Variants in XKR9 observed in about 807,000 individuals in gnomAD.
XKR9 encodes XK-related protein 9.
In XKR9, 32 loss-of-function variants were observed where a neutral mutation model predicts 32.0. That is an observed-to-expected ratio of 1.00 (90% CI 0.76 to 1.34). The LOEUF is 1.34. Among genes scored for constraint, XKR9 ranks in the 40% most tolerant of loss-of-function variants. XKR9 has a pLI of 0.00. For missense variants in XKR9, 546 were observed against 429.7 expected (o/e 1.27, Z -2.39); for synonymous variants, 168 against 143.4 (o/e 1.17, Z -1.22).
At chr8:70,692,689 C>T (rs1018247937) in intron 3 of XKR9, among the ~76,000 whole-genome samples, 15 of 152,128 alleles carry the variant, frequency 9.9e-5, no homozygotes, top group Non-Finnish European at 1.8e-4. Context: ...AGCGATTCTC[C>T]TGCTTCAGCC....
chr8:70,731,212 A>T (rs560673299), intron 4 of XKR9, among the ~76,000 whole-genome samples: 16 of 152,180 alleles, frequency 1.1e-4, no homozygotes, highest in Non-Finnish European at 2.2e-4. Context: ...TTTTTCTATC[A>T]ATCAGACTCA....
the XKR9 span, among the ~76,000 whole-genome samples, chr8:70,824,961 G>A: frequency 1.3e-5 from 2 of 152,148 alleles, no homozygotes; most frequent in Admixed American, 1.3e-4. Flanking sequence ...TAGCCTTCAA[G>A]ATCTTGATGT....
chr8:70,848,666 A>G, the XKR9 span, among the ~76,000 whole-genome samples: 1 of 151,814 alleles, frequency 6.6e-6, no homozygotes, highest in African/African-American at 2.4e-5. Flanking sequence ...GTCAAAATCC[A>G]TCGGTGTGCT....
At chr8:70,814,222 T>A in the XKR9 span, among the ~76,000 whole-genome samples, 4 of 151,790 alleles carry the variant, frequency 2.6e-5, no homozygotes, top group Non-Finnish European at 5.9e-5. Context: ...ATGTTGTCAC[T>A]CATAGGTGGA....
the XKR9 span, among the ~76,000 whole-genome samples, chr8:71,035,178 C>T: frequency 6.6e-6 from 1 of 152,232 alleles, no homozygotes; most frequent in African/African-American, 2.4e-5. Flanking sequence ...AGAATCATCC[C>T]TAGAGAGCCT....
chr8:70,741,965 GTTT>G (rs71264520), intron 2 of XKR9, among the ~76,000 whole-genome samples: 3 of 146,502 alleles, frequency 2.0e-5, no homozygotes, highest in Non-Finnish European at 3.0e-5. Flanking sequence ...GTTGTATTCT[GTTT>G]TTTTTTTTTC....
At chr8:71,007,711 A>G in the XKR9 span, among the ~76,000 whole-genome samples, 65,662 of 151,990 alleles carry the variant, frequency 0.43, 15,275 homozygotes, top group Non-Finnish European at 0.53. Flanking sequence ...GTTTTGCCAG[A>G]AAAATTGTCT....
the XKR9 span, among the ~76,000 whole-genome samples, chr8:70,810,193 C>A: frequency 1.3e-3 from 201 of 152,256 alleles, 1 homozygote; most frequent in African/African-American, 4.6e-3. Flanking sequence ...CCAAACTAAG[C>A]TTCATAAGTG....
At chr8:70,675,855 TC>T (rs1296005717) in intron 2 of XKR9, among the ~76,000 whole-genome samples, 1 of 152,184 alleles carries the variant, frequency 6.6e-6, no homozygotes, top group Non-Finnish European at 1.5e-5. Context: ...TCCCTCATCT[TC>T]CCTTCTTCTC....
the XKR9 span, among the ~76,000 whole-genome samples, chr8:70,876,202 T>C: frequency 6.6e-6 from 1 of 151,108 alleles, no homozygotes; most frequent in African/African-American, 2.4e-5. Flanking sequence ...TGCTTTTCTT[T>C]ATCAGAAGAT....
chr8:71,056,035 G>C, the XKR9 span, among the ~76,000 whole-genome samples: 1 of 152,158 alleles, frequency 6.6e-6, no homozygotes, highest in African/African-American at 2.4e-5. Flanking sequence ...CCTGCCAAAA[G>C]ATGGTCTGAT....
chr8:70,878,299 A>G, the XKR9 span, among the ~76,000 whole-genome samples: 35 of 152,316 alleles, frequency 2.3e-4, no homozygotes, highest in African/African-American at 8.2e-4. Flanking sequence ...AAAATCACAC[A>G]TAACAATATT....
At chr8:70,675,155 A>T (rs1451563624) in intron 2 of XKR9, among the ~76,000 whole-genome samples, 1 of 152,156 alleles carries the variant, frequency 6.6e-6, no homozygotes, top group Non-Finnish European at 1.5e-5. Context: ...GGCCAGGTGC[A>T]GTTGCCCATT....
the XKR9 span, among the ~76,000 whole-genome samples, chr8:70,803,206 A>G: frequency 2.0e-5 from 3 of 152,082 alleles, no homozygotes; most frequent in Non-Finnish European, 4.4e-5. Flanking sequence ...TCAAACTTGG[A>G]CATTCTTTCC....
At chr8:70,740,893 A>T (rs1478401610), downstream of XKR9, among the ~76,000 whole-genome samples, 1 of 152,182 alleles carries the variant, frequency 6.6e-6, no homozygotes, top group African/African-American at 2.4e-5. Context: ...GTTGCCTCCC[A>T]GTTAGGCTGC....
At position 70,762,213 on chromosome 8, in the gene XKR9, A is replaced by T. The variant is rs184772211; in HGVS notation, n.353-27126A>T. Among the ~76,000 whole-genome samples, 261 of 152,272 alleles carry T rather than the reference A, an allele frequency of 1.7e-3. 2 individuals are homozygous for T. The highest frequency in any genetic ancestry group is 6.0e-3 in the African/African-American group (249 of 41,566). Reference sequence around the variant, plus strand: ...TTTGGTTCCATATGAATTTTAAAATAGTTTTCTCTAGATTTGAACATTTTT... The same window carrying T: ...TTTGGTTCCATATGAATTTTAAAATTGTTTTCTCTAGATTTGAACATTTTT... On this transcript the variant is annotated intron_variant and non_coding_transcript_variant, in intron 2 of 3. Transcript: ENST00000520273.
the XKR9 span, among the ~76,000 whole-genome samples, chr8:70,964,679 C>T: frequency 6.6e-6 from 1 of 151,974 alleles, no homozygotes; most frequent in Non-Finnish European, 1.5e-5. Context: ...TTCCCTTGTT[C>T]ACTGTATTCC....
At chr8:70,934,411 A>G in the XKR9 span, among the ~76,000 whole-genome samples, 1 of 152,202 alleles carries the variant, frequency 6.6e-6, no homozygotes, top group East Asian at 1.9e-4. Flanking sequence ...GAAAATATGA[A>G]GAAAACCCTG....
In XKR9 at chr8:70,754,495, C is replaced by T. The variant is rs1177535426; in HGVS notation, n.353-34844C>T. ...CAAAAGAACAAAGCTGGAGGCATCACGCTACCTGACTTCAAACTATACTAT... is the reference window on the plus strand; with the variant it reads ...CAAAAGAACAAAGCTGGAGGCATCATGCTACCTGACTTCAAACTATACTAT... On this transcript the variant is annotated intron_variant and non_coding_transcript_variant, in intron 2 of 3. Transcript: ENST00000520273. 1.7e-4 allele frequency among the ~76,000 whole-genome samples: 24 copies of T among 141,160 alleles called. 2 individuals are homozygous for T. Among genetic ancestry groups the T allele is most frequent in the Non-Finnish European group, 3.3e-4 (21 of 63,574 alleles). 92.6% of individuals were successfully genotyped at this position (141,160 alleles called of 152,430 possible).
Sources: allele counts gnomAD v4.1 joint callset (sites outside exome capture counted in the v4.1 genomes callset), GRCh38; gene constraint gnomAD v4.1.1; transcripts MANE v1.5; gene names NCBI Gene and HGNC (gene_info 2026-07-23, HGNC 2026-07-21).